The following SGCZ variants were observed in gnomAD, a reference collection of about 807,000 sequenced individuals.
SGCZ encodes zeta-sarcoglycan.
A neutral mutation model predicts 41.3 loss-of-function variants in SGCZ; 40 were observed. That is an observed-to-expected ratio of 0.97 (90% confidence interval 0.75 to 1.26). The LOEUF (loss-of-function observed/expected upper bound fraction) is 1.26, where lower values mean the gene tolerates loss of function less well. Among genes scored for constraint, SGCZ ranks in the 50% most tolerant of loss-of-function variants. The pLI is 0.00. For missense variants in SGCZ, 552 were observed against 369.8 expected (o/e 1.49, Z -4.04); for synonymous variants, 206 against 137.5 (o/e 1.50, Z -3.49).
intron 1 of SGCZ, among the ~76,000 whole-genome samples, chr8:14,988,651 T>C (rs757834004): frequency 2.6e-5 from 4 of 152,144 alleles, no homozygotes; most frequent in Non-Finnish European, 4.4e-5. Flanking sequence ...AAAAAACTGT[T>C]ATTCTAATAG....
chr8:15,031,713 C>A (rs1803669126), intron 1 of SGCZ, among the ~76,000 whole-genome samples: 1 of 152,046 alleles, frequency 6.6e-6, no homozygotes, highest in South Asian at 2.1e-4. Context: ...ATTCATAGGA[C>A]AATGTCAGCT....
At chr8:14,519,609 A>G (rs145186209) in intron 2 of SGCZ, among the ~76,000 whole-genome samples, 1 of 152,226 alleles carries the variant, frequency 6.6e-6, no homozygotes, top group African/African-American at 2.4e-5. Flanking sequence ...GCTAAGAATC[A>G]ATGAAGAATG....
chr8:14,385,235 G>A (rs1358955571), intron 2 of SGCZ, among the ~76,000 whole-genome samples: 1 of 152,104 alleles, frequency 6.6e-6, no homozygotes, highest in South Asian at 2.1e-4. Flanking sequence ...TCATGAACTG[G>A]TGTGAACCAG....
At chr8:14,657,228 C>G (rs1357414165) in intron 1 of SGCZ, among the ~76,000 whole-genome samples, 4 of 151,880 alleles carry the variant, frequency 2.6e-5, no homozygotes, top group African/African-American at 4.8e-5. Context: ...CCCTGTAACC[C>G]CAGAAATCTG....
chr8:14,276,793 CAG>C (rs1209738323), intron 3 of SGCZ, among the ~76,000 whole-genome samples: 1 of 152,168 alleles, frequency 6.6e-6, no homozygotes, highest in African/African-American at 2.4e-5. Flanking sequence ...AGGCAGGAAA[CAG>C]AAGGCCAATT....
intron 1 of SGCZ, among the ~76,000 whole-genome samples, chr8:14,580,598 A>T (rs937279542): frequency 9.9e-5 from 15 of 152,232 alleles, no homozygotes; most frequent in Non-Finnish European, 2.1e-4. Context: ...AATAAATTGG[A>T]AATACAACTG....
At chr8:14,849,984 A>C (rs1271485957) in intron 1 of SGCZ, among the ~76,000 whole-genome samples, 2 of 152,180 alleles carry the variant, frequency 1.3e-5, no homozygotes, top group Non-Finnish European at 2.9e-5. Flanking sequence ...TTACATAGGC[A>C]TTGAGAACAG....
At chr8:15,029,398 T>C (rs1024844237) in intron 1 of SGCZ, among the ~76,000 whole-genome samples, 2 of 152,074 alleles carry the variant, frequency 1.3e-5, no homozygotes, top group East Asian at 3.9e-4. Context: ...TGTGGACTTT[T>C]TACTGGATAT....
At chr8:14,710,677 T>C (rs1755795736) in intron 1 of SGCZ, among the ~76,000 whole-genome samples, 1 of 152,216 alleles carries the variant, frequency 6.6e-6, no homozygotes, top group East Asian at 1.9e-4. Context: ...TCAGGACACA[T>C]AATTTGTATC....
chr8:14,401,723 A>T (rs1314487837), intron 2 of SGCZ, among the ~76,000 whole-genome samples: 11 of 151,694 alleles, frequency 7.3e-5, no homozygotes, highest in East Asian at 5.8e-4. Context: ...GTCTTTGCTA[A>T]TGTGAATAAT....
Position 14,815,731 on chromosome 8 carries a change from A to G in SGCZ, c.40-260805T>C, listed in dbSNP as rs183762945. 2.4e-3 allele frequency among the ~76,000 whole-genome samples: 372 copies of G among 152,298 alleles called. 1 individual carries two copies. Among genetic ancestry groups the G allele is most frequent in the African/African-American group, 8.6e-3 (356 of 41,572 alleles). On this transcript the variant is annotated intron_variant, in intron 1 of 7. Coordinates refer to ENST00000382080, the MANE Select transcript of SGCZ (RefSeq NM_139167.4). ...TCTAACCAGACCCAGGAAACAGAAA[A>G]GTGACTAAAATATTACAAATGAGGG...
At chr8:14,991,153 G>C (rs1357786254) in intron 1 of SGCZ, among the ~76,000 whole-genome samples, 1 of 151,986 alleles carries the variant, frequency 6.6e-6, no homozygotes, top group East Asian at 1.9e-4. Flanking sequence ...ATTTTTGTTT[G>C]CTTATTTTAA....
At chr8:15,202,853 A>C (rs1037910241) in intron 1 of SGCZ, among the ~76,000 whole-genome samples, 1 of 152,114 alleles carries the variant, frequency 6.6e-6, no homozygotes, top group Non-Finnish European at 1.5e-5. Flanking sequence ...GCTCACACCT[A>C]TAATCCCAGA....
intron 1 of SGCZ, among the ~76,000 whole-genome samples, chr8:14,914,886 G>C (rs965189606): frequency 6.6e-6 from 1 of 152,070 alleles, no homozygotes; most frequent in Non-Finnish European, 1.5e-5. Flanking sequence ...CCTTTGCTGG[G>C]AGCCAGCCCA....
At chr8:14,922,810 T>C (rs755330816) in intron 1 of SGCZ, among the ~76,000 whole-genome samples, 1 of 152,146 alleles carries the variant, frequency 6.6e-6, no homozygotes, top group African/African-American at 2.4e-5. Context: ...CCAAAACAAA[T>C]GTTACCATAA....
chr8:15,150,788 C>T (rs1799156937), intron 1 of SGCZ, among the ~76,000 whole-genome samples: 1 of 152,162 alleles, frequency 6.6e-6, no homozygotes, highest in Admixed American at 6.5e-5. Context: ...TCCATAAATT[C>T]TCCTTTGATT....
At chr8:14,636,677 C>T (rs535488316) in intron 1 of SGCZ, among the ~76,000 whole-genome samples, 3 of 151,730 alleles carry the variant, frequency 2.0e-5, no homozygotes, top group African/African-American at 7.2e-5. Flanking sequence ...ATCAGAAGCT[C>T]AGGAAGGAAG....
chr8:14,165,799 T>C (rs1804190772), intron 4 of SGCZ, among the ~76,000 whole-genome samples: 2 of 152,164 alleles, frequency 1.3e-5, no homozygotes. Context: ...CATCTTTGTA[T>C]TCCAAAACAT....
intron 3 of SGCZ, among the ~76,000 whole-genome samples, chr8:14,275,696 C>T (rs889885964): frequency 6.6e-6 from 1 of 152,100 alleles, no homozygotes; most frequent in African/African-American, 2.4e-5. Flanking sequence ...TGCTTCTTCC[C>T]TTGATTCAGT....
Sources: allele counts gnomAD v4.1 joint callset (sites outside exome capture counted in the v4.1 genomes callset), GRCh38; gene constraint gnomAD v4.1.1; transcripts MANE v1.5; gene names NCBI Gene and HGNC (gene_info 2026-07-23, HGNC 2026-07-21).